Variants in ARK2N observed in about 807,000 individuals in gnomAD.
The protein encoded by ARK2N is arkadia (RNF111) N-terminal like PKA signaling regulator 2N.
At chr18:46,228,903 A>G in the ARK2N span, 3 of 398,324 alleles carry the variant, frequency 7.5e-6, no homozygotes, top group East Asian at 1.1e-4. Flanking sequence ...CAAGGTAAGA[A>G]TAACATTTTG....
the ARK2N span, among the ~76,000 whole-genome samples, chr18:46,242,395 G>A: frequency 3.3e-5 from 5 of 151,998 alleles, no homozygotes; most frequent in African/African-American, 4.8e-5. Flanking sequence ...CAAAGTTTGC[G>A]GTTTTAAAAT....
chr18:46,222,587 A>G, the ARK2N span, among the ~76,000 whole-genome samples: 3 of 152,198 alleles, frequency 2.0e-5, no homozygotes, highest in South Asian at 2.1e-4. Context: ...GTGAGTGCCT[A>G]TATTAACTTT....
chr18:46,181,783 T>G, the ARK2N span, among the ~76,000 whole-genome samples: 1 of 152,170 alleles, frequency 6.6e-6, no homozygotes, highest in Admixed American at 6.5e-5. Context: ...ATTGATTGAT[T>G]GATTGATTGA....
At chr18:46,265,055 T>G in the ARK2N span, 1 of 152,764 alleles carries the variant, frequency 6.5e-6, no homozygotes, top group Non-Finnish European at 1.5e-5. Flanking sequence ...CTTCTGAAGA[T>G]TCACTACTGG....
At chr18:46,175,973 T>C in the ARK2N span, among the ~76,000 whole-genome samples, 1 of 151,934 alleles carries the variant, frequency 6.6e-6, no homozygotes, top group Admixed American at 6.5e-5. Flanking sequence ...GTAACTGTCA[T>C]AATACTCTTT....
the ARK2N span, among the ~76,000 whole-genome samples, chr18:46,260,770 A>T: frequency 6.6e-6 from 1 of 152,262 alleles, no homozygotes; most frequent in Admixed American, 6.5e-5. Context: ...CTTCAGGTAT[A>T]GCCTGAAGAA....
chr18:46,206,357 A>G, the ARK2N span, among the ~76,000 whole-genome samples: 2 of 152,008 alleles, frequency 1.3e-5, no homozygotes, highest in Non-Finnish European at 2.9e-5. Context: ...AAGTGCCGGG[A>G]TTATAGGGGT....
chr18:46,174,396 T>G, the ARK2N span: 4 of 151,860 alleles, frequency 2.6e-5, no homozygotes, highest in African/African-American at 9.7e-5. Context: ...CCGGGTTGCG[T>G]CCCAGGGAGG....
chr18:46,174,800 T>C, the ARK2N span, among the ~76,000 whole-genome samples: 252 of 152,246 alleles, frequency 1.7e-3, no homozygotes, highest in Non-Finnish European at 3.0e-3. Flanking sequence ...CTCCGCCAGC[T>C]CCGAGAGTAG....
chr18:46,228,526 A>G, the ARK2N span, among the ~76,000 whole-genome samples: 1 of 152,200 alleles, frequency 6.6e-6, no homozygotes, highest in African/African-American at 2.4e-5. Context: ...AGAGCTCTGT[A>G]GATTTTTTTT....
At chr18:46,239,241 G>T in the ARK2N span, among the ~76,000 whole-genome samples, 3 of 152,198 alleles carry the variant, frequency 2.0e-5, no homozygotes, top group East Asian at 5.8e-4. Context: ...ATTTGAGGGT[G>T]GAAGGGTCCT....
chr18:46,242,956 TAGAG>T, the ARK2N span, among the ~76,000 whole-genome samples: 5 of 152,196 alleles, frequency 3.3e-5, no homozygotes, highest in Admixed American at 2.0e-4. Flanking sequence ...AATTAATATA[TAGAG>T]AGAGCATTTG....
chr18:46,249,592 G>A, the ARK2N span, among the ~76,000 whole-genome samples: 1 of 152,160 alleles, frequency 6.6e-6, no homozygotes, highest in Non-Finnish European at 1.5e-5. Flanking sequence ...CCTACTCTCT[G>A]CAGATGGCCT....
chr18:46,247,417 G>A, the ARK2N span, among the ~76,000 whole-genome samples: 7 of 152,108 alleles, frequency 4.6e-5, no homozygotes, highest in Non-Finnish European at 8.8e-5. Flanking sequence ...TATAGGAACC[G>A]AGCAAAGAGA....
At chr18:46,209,642 CTGGAG>C in the ARK2N span, among the ~76,000 whole-genome samples, 1 of 152,176 alleles carries the variant, frequency 6.6e-6, no homozygotes, top group South Asian at 2.1e-4. Flanking sequence ...GTCACTCAGG[CTGGAG>C]TGCAGTGGCG....
chr18:46,224,507 T>G, the ARK2N span, among the ~76,000 whole-genome samples: 1 of 152,360 alleles, frequency 6.6e-6, no homozygotes, highest in South Asian at 2.1e-4. Context: ...TACTCAAGAA[T>G]GTAGTGGTTC....
the ARK2N span, among the ~76,000 whole-genome samples, chr18:46,253,293 C>T: frequency 6.6e-5 from 10 of 152,080 alleles, no homozygotes; most frequent in Non-Finnish European, 1.0e-4. Flanking sequence ...CCACTGCCTT[C>T]TAGGTGGTTA....
chr18:46,199,383 C>T, the ARK2N span, among the ~76,000 whole-genome samples: 2 of 151,698 alleles, frequency 1.3e-5, no homozygotes, highest in Non-Finnish European at 2.9e-5. Flanking sequence ...GGAGTGATCT[C>T]GGCTCAGTGC....
the ARK2N span, among the ~76,000 whole-genome samples, chr18:46,244,581 A>G: frequency 6.9e-6 from 1 of 144,662 alleles, no homozygotes; most frequent in Non-Finnish European, 1.5e-5. Context: ...ATCTGCATCA[A>G]ATTGATGGTA....
Sources: allele counts gnomAD v4.1 joint callset (sites outside exome capture counted in the v4.1 genomes callset), GRCh38; gene constraint gnomAD v4.1.1; transcripts MANE v1.5; gene names NCBI Gene and HGNC (gene_info 2026-07-23, HGNC 2026-07-21).